The following SAMD5 variants were observed in gnomAD, a reference collection of about 807,000 sequenced individuals.
SAMD5 encodes the protein sterile alpha motif domain containing 5.
Under a neutral mutation model 11.3 loss-of-function variants are expected in SAMD5, and 13 were observed. The observed-to-expected ratio is 1.15, with a 90% confidence interval of 0.75 to 1.83. SAMD5 has a LOEUF of 1.83. Among genes scored for constraint, SAMD5 ranks in the 40% most tolerant of loss-of-function variants. SAMD5 has a pLI of 0.00. For missense variants in SAMD5, 255 were observed against 239.1 expected (o/e 1.07, Z -0.44); for synonymous variants, 129 against 111.3 (o/e 1.16, Z -1.00).
chr6:147,938,342 A>G, the SAMD5 span, among the ~76,000 whole-genome samples: 1 of 152,246 alleles, frequency 6.6e-6, no homozygotes, highest in African/African-American at 2.4e-5. Context: ...CGAAAAAGAT[A>G]ACACTCCTCA....
At chr6:147,848,200 G>T in the SAMD5 span, among the ~76,000 whole-genome samples, 1 of 152,286 alleles carries the variant, frequency 6.6e-6, no homozygotes, top group African/African-American at 2.4e-5. Flanking sequence ...CATAGCAGTG[G>T]ATCAAAAACT....
chr6:147,781,006 G>A, the SAMD5 span, among the ~76,000 whole-genome samples: 2 of 152,108 alleles, frequency 1.3e-5, no homozygotes, highest in Non-Finnish European at 2.9e-5. Context: ...GTGTTGCTGG[G>A]CAGCAAAGAG....
At chr6:147,802,061 A>G in the SAMD5 span, among the ~76,000 whole-genome samples, 1 of 152,202 alleles carries the variant, frequency 6.6e-6, no homozygotes, top group African/African-American at 2.4e-5. Flanking sequence ...CTGATAAACT[A>G]AATTTTATCA....
In SAMD5 at chr6:147,564,952, T is replaced by A; in HGVS notation, c.*496T>A. 4.9e-6 allele frequency: 4 copies of A among 813,974 alleles called. No individual in the cohort carries two copies. Among genetic ancestry groups the A allele is most frequent in the Non-Finnish European group, 5.9e-6 (4 of 674,846 alleles). The allele number at this position is 813,974 out of a possible 1,614,324, so 50.4% of individuals were successfully genotyped here. ...CATTTCATATAGGACCATGTTTTTA[T>A]AAGATAAGATACATAATTCTATGTA... On this transcript the variant is annotated 3_prime_UTR_variant, in exon 2 of 2. Coordinates refer to ENST00000367474, the MANE Select transcript of SAMD5 (RefSeq NM_001030060.3).
At chr6:147,707,576 T>C (rs1423778823) in intron 1 of SAMD5, among the ~76,000 whole-genome samples, 1 of 152,194 alleles carries the variant, frequency 6.6e-6, no homozygotes, top group Admixed American at 6.5e-5. Flanking sequence ...TCTTTGCTTG[T>C]GTTTAATGTA....
the SAMD5 span, among the ~76,000 whole-genome samples, chr6:147,917,932 C>G: frequency 6.6e-6 from 1 of 152,104 alleles, no homozygotes; most frequent in Non-Finnish European, 1.5e-5. Context: ...TGTTTGGGTA[C>G]CAGTACCATG....
At chr6:147,598,676 C>G (rs1240781446) in intron 1 of SAMD5, among the ~76,000 whole-genome samples, 2 of 152,164 alleles carry the variant, frequency 1.3e-5, no homozygotes, top group African/African-American at 4.8e-5. Context: ...GAATCCAGCC[C>G]TTGAATCCCC....
intron 1 of SAMD5, among the ~76,000 whole-genome samples, 197 bp from the exon 2 acceptor site, chr6:147,564,197 G>A (rs115292604): frequency 0.01 from 1,552 of 152,214 alleles, 22 homozygotes; most frequent in African/African-American, 0.033. Flanking sequence ...AGGATAAAAT[G>A]CATTCTTTTT....
intron 1 of SAMD5, among the ~76,000 whole-genome samples, chr6:147,603,099 C>T (rs1471234249): frequency 1.3e-5 from 2 of 152,064 alleles, no homozygotes; most frequent in East Asian, 1.9e-4. Context: ...ATAAGACTAC[C>T]CAAGTTCAAG....
intron 1 of SAMD5, among the ~76,000 whole-genome samples, chr6:147,592,823 T>C (rs1291656187): frequency 6.6e-6 from 1 of 152,158 alleles, no homozygotes; most frequent in East Asian, 1.9e-4. Flanking sequence ...GATTTATAGA[T>C]GGTTAGCACA....
the SAMD5 span, among the ~76,000 whole-genome samples, chr6:147,936,204 C>T: frequency 2.0e-5 from 3 of 152,160 alleles, no homozygotes; most frequent in African/African-American, 7.2e-5. Flanking sequence ...CTGTTAATCT[C>T]CCTGGTCTGA....
chr6:147,855,805 T>C, the SAMD5 span, among the ~76,000 whole-genome samples: 1 of 152,074 alleles, frequency 6.6e-6, no homozygotes, highest in Admixed American at 6.6e-5. Context: ...AAAAACAAAT[T>C]TGAAAGAGAA....
chr6:147,867,007 G>T, the SAMD5 span, among the ~76,000 whole-genome samples: 5 of 152,244 alleles, frequency 3.3e-5, no homozygotes, highest in East Asian at 1.9e-4. Flanking sequence ...TGGACAAAAT[G>T]CTAAATAGCA....
the SAMD5 span, among the ~76,000 whole-genome samples, chr6:147,790,785 TCTCTCTCTC>T: frequency 0.078 from 8,589 of 110,070 alleles, 302 homozygotes; most frequent in East Asian, 0.21. Context: ...TCTCTCTCTC[TCTCTCTCTC>T]TCTCTCTCTC....
At chr6:147,709,961 A>G (rs1791373481) in intron 1 of SAMD5, among the ~76,000 whole-genome samples, 1 of 152,118 alleles carries the variant, frequency 6.6e-6, no homozygotes, top group Admixed American at 6.6e-5. Flanking sequence ...ATTACCCTCC[A>G]TATAAAGTTT....
intron 1 of SAMD5, among the ~76,000 whole-genome samples, chr6:147,614,936 C>A (rs910182976): frequency 1.3e-5 from 2 of 151,774 alleles, no homozygotes; most frequent in Non-Finnish European, 2.9e-5. Context: ...TCTACAACAT[C>A]TTTCTTGTCA....
chr6:147,815,768 GA>G, the SAMD5 span, among the ~76,000 whole-genome samples: 1 of 151,982 alleles, frequency 6.6e-6, no homozygotes, highest in South Asian at 2.1e-4. Context: ...CCTCTTGGTG[GA>G]ATGAGCCCCC....
At chr6:147,624,115 C>A (rs1265854807) in intron 1 of SAMD5, among the ~76,000 whole-genome samples, 1 of 152,218 alleles carries the variant, frequency 6.6e-6, no homozygotes, top group Admixed American at 6.5e-5. Flanking sequence ...AGTGATCCAC[C>A]CGCCTCAGCC....
intron 1 of SAMD5, among the ~76,000 whole-genome samples, chr6:147,619,464 C>T (rs1273159816): frequency 2.6e-5 from 4 of 151,552 alleles, no homozygotes; most frequent in Admixed American, 2.6e-4. Flanking sequence ...CGCAGATACT[C>T]ATGAGGCAGA....
Sources: gnomAD v4.1 joint callset for allele counts (sites outside exome capture counted in the v4.1 genomes callset) on GRCh38, gnomAD v4.1.1 for gene constraint, MANE v1.5 for transcripts, NCBI Gene and HGNC (gene_info 2026-07-23, HGNC 2026-07-21) for gene names.